The following MMS22L variants were observed in gnomAD, a reference collection of about 807,000 sequenced individuals.
MMS22L encodes MMS22 like, DNA repair protein.
MMS22L carries 74 observed loss-of-function variants against 159.1 expected under a neutral mutation model. The observed-to-expected ratio is 0.47, with a 90% confidence interval of 0.39 to 0.56. The LOEUF (loss-of-function observed/expected upper bound fraction) is 0.56. Among genes scored for constraint, MMS22L ranks in the 20% least tolerant of loss-of-function variants. The pLI, the probability that MMS22L is intolerant of heterozygous loss-of-function variation, is 0.00. For missense variants in MMS22L, 1,351 were observed against 1,422.1 expected (o/e 0.95, Z 0.80); for synonymous variants, 517 against 506.9 (o/e 1.02, Z -0.27).
At chr6:97,152,979 G>A (rs919314452) in intron 22 of MMS22L, among the ~76,000 whole-genome samples, 1 of 151,852 alleles carries the variant, frequency 6.6e-6, no homozygotes, top group African/African-American at 2.4e-5. Context: ...AGGACTACAG[G>A]TGCATGCCAG....
intron 18 of MMS22L, among the ~76,000 whole-genome samples, chr6:97,177,813 C>T (rs901548913): frequency 4.6e-5 from 7 of 152,120 alleles, no homozygotes; most frequent in African/African-American, 1.2e-4. Flanking sequence ...ACCAACCACT[C>T]TGTGGGAAAA....
chr6:97,171,573 A>C (rs1482084461), intron 19 of MMS22L, among the ~76,000 whole-genome samples: 2 of 152,238 alleles, frequency 1.3e-5, no homozygotes, highest in Non-Finnish European at 2.9e-5. Flanking sequence ...TGATGGATCC[A>C]CCATGCCTTT....
At position 97,151,873 on chromosome 6, in the gene MMS22L, A is replaced by G. The variant is rs770329759; in HGVS notation, c.3386-6T>C. The stretch of plus-strand genomic sequence containing the variant: ...CTCTGTGGCCAGCCTTTTAACTAGA[A>G]GGAAAAATTACAGCATTAGGCACTG... On this transcript the variant is annotated splice_polypyrimidine_tract_variant and splice_region_variant and intron_variant, in intron 22 of 24. Coordinates refer to ENST00000683635, the MANE Select transcript of MMS22L (RefSeq NM_001350599.2). The G allele has an allele frequency of 6.2e-7, 1 of 1,611,942 alleles. No homozygotes were observed. Among genetic ancestry groups the G allele is most frequent in the South Asian group, 1.1e-5 (1 of 91,012 alleles).
chr6:97,169,656 T>C (rs746867221), intron 19 of MMS22L, among the ~76,000 whole-genome samples: 32 of 152,210 alleles, frequency 2.1e-4, no homozygotes, highest in Non-Finnish European at 4.0e-4. Context: ...CAATGTTCAC[T>C]TAGCAAAGTT....
chr6:97,186,720 C>G, intron 14 of MMS22L, 30 bp from the exon 15 acceptor site: 1 of 1,413,708 alleles, frequency 7.1e-7, no homozygotes, highest in East Asian at 2.6e-5. Flanking sequence ...CAGCTAACAC[C>G]CTTAATAAAT....
At chr6:97,242,003 G>A (rs147638308) in intron 11 of MMS22L, among the ~76,000 whole-genome samples, 12 of 152,204 alleles carry the variant, frequency 7.9e-5, no homozygotes, top group African/African-American at 2.4e-4. Flanking sequence ...AAAAATTATT[G>A]AGACTTGTGG....
chr6:97,255,820 T>A (rs1022114099), intron 9 of MMS22L, among the ~76,000 whole-genome samples: 2 of 152,188 alleles, frequency 1.3e-5, no homozygotes, highest in African/African-American at 4.8e-5. Context: ...CACCATGTTA[T>A]TAGCCACATG....
At chr6:97,178,385 T>A (rs909424211) in intron 18 of MMS22L, 58 bp downstream of exon 18, 1 of 1,320,532 alleles carries the variant, frequency 7.6e-7, no homozygotes, top group African/African-American at 1.5e-5. Flanking sequence ...ATACTTCAGG[T>A]TTTTCTGAAA....
In MMS22L at chr6:97,145,055, C is replaced by CA. The variant is rs1800864417; in HGVS notation, c.*1750dup. On this transcript the variant is annotated 3_prime_UTR_variant, in exon 25 of 25. Transcript: ENST00000683635. ...ACACACACACACACACACACACACA[C>CA]ACACACACACAAAAACACATATACA... The CA allele has an allele frequency of 1.4e-5, 2 of 146,510 alleles. No individual in the cohort carries two copies. Among genetic ancestry groups the CA allele is most frequent in the African/African-American group, 5.2e-5 (2 of 38,144 alleles). The allele number at this position is 146,510 out of a possible 1,614,324, so 9.1% of individuals were successfully genotyped here.
intron 11 of MMS22L, among the ~76,000 whole-genome samples, chr6:97,237,746 T>G (rs1811569727): frequency 6.6e-6 from 1 of 152,180 alleles, no homozygotes; most frequent in Admixed American, 6.5e-5. Context: ...TTAAGCTTAT[T>G]TAACCAAAGA....
intron 22 of MMS22L, among the ~76,000 whole-genome samples, chr6:97,155,191 T>C (rs761860525): frequency 2.6e-5 from 4 of 152,200 alleles, no homozygotes; most frequent in African/African-American, 4.8e-5. Context: ...ATTACTGATA[T>C]AGTTTGATTT....
intron 10 of MMS22L, among the ~76,000 whole-genome samples, chr6:97,247,949 A>G (rs1812843557): frequency 2.0e-5 from 3 of 152,200 alleles, no homozygotes; most frequent in Non-Finnish European, 4.4e-5. Context: ...CAGTAAATCA[A>G]TATTTTCTTA....
At chr6:97,219,053 T>C (rs1036482189) in intron 14 of MMS22L, among the ~76,000 whole-genome samples, 12 of 152,056 alleles carry the variant, frequency 7.9e-5, no homozygotes, top group African/African-American at 2.9e-4. Context: ...GAACAGCATG[T>C]GGGAACCACC....
chr6:97,234,046 T>G, intron 11 of MMS22L, 66 bp from the exon 12 acceptor site: 1 of 1,537,322 alleles, frequency 6.5e-7, no homozygotes, highest in South Asian at 1.3e-5. Context: ...TTTCACTTGA[T>G]ATTGTGCTGT....
chr6:97,246,240 G>A, intron 11 of MMS22L: 2 of 426,076 alleles, frequency 4.7e-6, no homozygotes, highest in Non-Finnish European at 9.1e-6. Context: ...AAGCCTGTAA[G>A]ACAAATTGCT....
intron 14 of MMS22L, among the ~76,000 whole-genome samples, chr6:97,201,900 A>T (rs984588244): frequency 2.0e-5 from 3 of 152,178 alleles, no homozygotes; most frequent in Non-Finnish European, 4.4e-5. Flanking sequence ...ATTAGGTTTA[A>T]ATATTGGACA....
intron 14 of MMS22L, among the ~76,000 whole-genome samples, chr6:97,221,605 A>G (rs1809660943): frequency 6.6e-6 from 1 of 152,096 alleles, no homozygotes; most frequent in African/African-American, 2.4e-5. Context: ...TACATATTTT[A>G]TACATTCCTG....
intron 11 of MMS22L, among the ~76,000 whole-genome samples, chr6:97,238,663 G>A (rs961700866): frequency 8.7e-5 from 13 of 149,322 alleles, no homozygotes; most frequent in African/African-American, 3.0e-4. Context: ...CAATAAGTCC[G>A]TTAAATGAAT....
chr6:97,216,528 C>A (rs555084749), intron 14 of MMS22L, among the ~76,000 whole-genome samples: 1 of 152,266 alleles, frequency 6.6e-6, no homozygotes, highest in Non-Finnish European at 1.5e-5. Context: ...GTACCAAAGT[C>A]ACAATTTTAG....
Sources: gnomAD v4.1 joint callset for allele counts (sites outside exome capture counted in the v4.1 genomes callset) on GRCh38, gnomAD v4.1.1 for gene constraint, MANE v1.5 for transcripts, NCBI Gene and HGNC (gene_info 2026-07-23, HGNC 2026-07-21) for gene names.